NCALD: variants seen among roughly 807,000 people sequenced by gnomAD.
NCALD encodes the protein neurocalcin delta, also known as neurocalcin-delta.
In NCALD, 10 loss-of-function variants were observed where a neutral mutation model predicts 18.6. That is an observed-to-expected ratio of 0.54 (90% CI 0.33 to 0.91). The LOEUF (loss-of-function observed/expected upper bound fraction) is 0.91, where lower values mean the gene tolerates loss of function less well. Ranked by LOEUF, NCALD falls within the 40% of genes least tolerant of loss-of-function variation. The pLI is 0.03. For synonymous variants in NCALD, 88 were observed against 87.4 expected (o/e 1.01, Z -0.04); for missense variants, 184 against 247.6 (o/e 0.74, Z 1.72).
chr8:101,872,299 G>A, intron 4 of NCALD: 1 of 1,361,654 alleles, frequency 7.3e-7, no homozygotes, highest in Non-Finnish European at 1.1e-6. Context: ...CAGTTTAATT[G>A]CTTTCCCCTC....
chr8:101,856,364 G>T (rs954505125), intron 4 of NCALD, among the ~76,000 whole-genome samples: 3 of 152,072 alleles, frequency 2.0e-5, no homozygotes, highest in Admixed American at 6.5e-5. Flanking sequence ...TTTGAGATGA[G>T]GTTTCTCTAT....
At chr8:101,857,492 T>A (rs566120037) in intron 4 of NCALD, among the ~76,000 whole-genome samples, 3 of 152,126 alleles carry the variant, frequency 2.0e-5, no homozygotes, top group East Asian at 3.9e-4. Context: ...AGAAATAATA[T>A]AATAGGGACT....
At chr8:101,693,338 T>TG in intron 2 of NCALD, 1 of 107,258 alleles carries the variant, frequency 9.3e-6, no homozygotes, top group African/African-American at 3.3e-5. Context: ...TTTTTTTTTT[T>TG]TTTTTTTTTT....
intron 1 of NCALD, among the ~76,000 whole-genome samples, chr8:102,066,751 C>T (rs1260977713): frequency 6.6e-6 from 1 of 152,184 alleles, no homozygotes; most frequent in Non-Finnish European, 1.5e-5. Flanking sequence ...GGGCTTTGCA[C>T]CAAAATGCAC....
intron 4 of NCALD, among the ~76,000 whole-genome samples, chr8:101,885,291 T>C (rs1332198037): frequency 6.6e-6 from 1 of 152,238 alleles, no homozygotes; most frequent in Middle Eastern, 3.2e-3. Context: ...ATATGTATTC[T>C]TCCCATCTAT....
chr8:101,758,090 A>G (rs1456463315), intron 1 of NCALD, among the ~76,000 whole-genome samples: 2 of 152,094 alleles, frequency 1.3e-5, no homozygotes, highest in African/African-American at 2.4e-5. Flanking sequence ...ATACTGCCTG[A>G]TTTTTAAACT....
chr8:101,928,566 C>T (rs886072493), intron 2 of NCALD, among the ~76,000 whole-genome samples: 2 of 151,836 alleles, frequency 1.3e-5, no homozygotes, highest in Admixed American at 6.5e-5. Context: ...AATACCTGCT[C>T]GCCTCTAAAT....
chr8:102,079,438 C>T (rs1824453273), intron 1 of NCALD, among the ~76,000 whole-genome samples: 1 of 152,168 alleles, frequency 6.6e-6, no homozygotes, highest in Non-Finnish European at 1.5e-5. Flanking sequence ...CATCTGCTAG[C>T]ACCTGGCAAA....
intron 1 of NCALD, among the ~76,000 whole-genome samples, chr8:102,039,822 T>C (rs1822987927): frequency 6.6e-6 from 1 of 151,944 alleles, no homozygotes; most frequent in South Asian, 2.1e-4. Flanking sequence ...TCAGGTTGAG[T>C]TCTTACTCAG....
At chr8:102,008,917 T>C (rs920621471) in intron 2 of NCALD, among the ~76,000 whole-genome samples, 391 of 38,502 alleles carry the variant, frequency 0.01, 1 homozygote, top group African/African-American at 0.012. Flanking sequence ...CCCGCCCCCC[T>C]ACACACACAC....
At chr8:101,787,864 GA>G (rs1230045439) in intron 1 of NCALD, among the ~76,000 whole-genome samples, 1 of 152,128 alleles carries the variant, frequency 6.6e-6, no homozygotes, top group Non-Finnish European at 1.5e-5. Flanking sequence ...CATTAAGCTG[GA>G]AAGCCACATG....
chr8:101,932,120 G>A (rs1818598186), intron 2 of NCALD, among the ~76,000 whole-genome samples: 1 of 152,180 alleles, frequency 6.6e-6, no homozygotes, highest in Non-Finnish European at 1.5e-5. Flanking sequence ...AGATCGAGGT[G>A]AGTGCAGGCT....
intron 2 of NCALD, among the ~76,000 whole-genome samples, chr8:101,973,307 G>A (rs1467648141): frequency 6.6e-6 from 1 of 151,928 alleles, no homozygotes; most frequent in Non-Finnish European, 1.5e-5. Flanking sequence ...GACTTGCCTC[G>A]CTTTTGATGA....
At chr8:102,014,697 C>T (rs1822020879) in intron 2 of NCALD, among the ~76,000 whole-genome samples, 1 of 151,956 alleles carries the variant, frequency 6.6e-6, no homozygotes, top group African/African-American at 2.4e-5. Context: ...GTGCACTATA[C>T]CCCCCACCCC....
intron 2 of NCALD, among the ~76,000 whole-genome samples, chr8:101,962,078 A>G (rs181859209): frequency 2.0e-5 from 3 of 152,166 alleles, no homozygotes; most frequent in African/African-American, 7.2e-5. Flanking sequence ...ACTGTGGCTT[A>G]TTCATTTTGT....
chr8:102,124,142 TC>T (rs1013621632), intron 1 of NCALD: 3 of 146,736 alleles, frequency 2.0e-5, no homozygotes, highest in Non-Finnish European at 3.0e-5. Context: ...AGCGCACGGG[TC>T]CCCCCCAGCA....
intron 4 of NCALD, among the ~76,000 whole-genome samples, chr8:101,800,273 G>A (rs989641941): frequency 6.6e-6 from 1 of 152,000 alleles, no homozygotes; most frequent in Non-Finnish European, 1.5e-5. Flanking sequence ...GAGAGGAATA[G>A]AATTAAAGTG....
intron 2 of NCALD, among the ~76,000 whole-genome samples, chr8:101,922,896 T>C (rs1320600315): frequency 6.6e-6 from 1 of 152,186 alleles, no homozygotes. Context: ...CACTATACTG[T>C]ATTAAAAATC....
At chr8:102,113,093 AT>A (rs1825688227) in intron 1 of NCALD, among the ~76,000 whole-genome samples, 1 of 152,356 alleles carries the variant, frequency 6.6e-6, no homozygotes, top group African/African-American at 2.4e-5. Flanking sequence ...ACAGAAAAAA[AT>A]AAACCAATTA....
Sources: allele counts gnomAD v4.1 joint callset (sites outside exome capture counted in the v4.1 genomes callset), GRCh38; gene constraint gnomAD v4.1.1; transcripts MANE v1.5; gene names NCBI Gene and HGNC (gene_info 2026-07-23, HGNC 2026-07-21).